Variants in PTPRD observed in about 807,000 individuals in gnomAD.
PTPRD encodes the protein protein tyrosine phosphatase receptor type D.
Under a neutral mutation model 214.5 loss-of-function variants are expected in PTPRD, and 34 were observed. That is an observed-to-expected ratio of 0.16 (90% CI 0.12 to 0.21). PTPRD has a LOEUF of 0.21. PTPRD is among the 10% of genes least tolerant of loss of function. The pLI, the probability that PTPRD is intolerant of heterozygous loss-of-function variation, is 1.00. For synonymous variants in PTPRD, 1,128 were observed against 845.7 expected (o/e 1.33, Z -5.79); for missense variants, 2,545 against 2,398.7 (o/e 1.06, Z -1.27).
At chr9:8,728,458 A>C (rs1461321977) in intron 12 of PTPRD, among the ~76,000 whole-genome samples, 1 of 152,170 alleles carries the variant, frequency 6.6e-6, no homozygotes, top group African/African-American at 2.4e-5. Flanking sequence ...TCAGTCTCCC[A>C]ATGTGCTGGA....
chr9:9,765,914 A>T (rs1233087231), intron 6 of PTPRD, among the ~76,000 whole-genome samples: 3 of 152,078 alleles, frequency 2.0e-5, no homozygotes, highest in Admixed American at 1.3e-4. Flanking sequence ...CGCCCGCCTC[A>T]GCCTCCCAAA....
At chr9:9,775,804 A>C (rs185843549) in intron 5 of PTPRD, among the ~76,000 whole-genome samples, 3 of 152,056 alleles carry the variant, frequency 2.0e-5, no homozygotes, top group Non-Finnish European at 1.5e-5. Context: ...AACAAACAAA[A>C]AAATAGCCGG....
chr9:10,249,485 T>C (rs1175603615), intron 3 of PTPRD, among the ~76,000 whole-genome samples: 1 of 152,120 alleles, frequency 6.6e-6, no homozygotes, highest in Admixed American at 6.6e-5. Flanking sequence ...TTTGATACCA[T>C]TAGGCAAAAG....
intron 8 of PTPRD, among the ~76,000 whole-genome samples, chr9:9,526,623 A>G (rs554793067): frequency 6.6e-6 from 1 of 152,298 alleles, no homozygotes; most frequent in Non-Finnish European, 1.5e-5. Flanking sequence ...CATAACTTTA[A>G]TGCCACATTA....
At chr9:9,937,925 T>C (rs2090140499) in intron 5 of PTPRD, among the ~76,000 whole-genome samples, 1 of 152,196 alleles carries the variant, frequency 6.6e-6, no homozygotes, top group African/African-American at 2.4e-5. Flanking sequence ...GCTATGGATT[T>C]CTGAAGGTAC....
At chr9:10,417,740 T>C (rs945401149) in intron 2 of PTPRD, among the ~76,000 whole-genome samples, 7 of 151,784 alleles carry the variant, frequency 4.6e-5, no homozygotes, top group Non-Finnish European at 8.8e-5. Context: ...CCCATGAGAA[T>C]ACATGAGAAA....
chr9:9,522,342 A>C (rs936282670), intron 8 of PTPRD, among the ~76,000 whole-genome samples: 1 of 152,126 alleles, frequency 6.6e-6, no homozygotes. Flanking sequence ...TAGTAGATGG[A>C]AGGGCACATA....
At chr9:10,030,842 G>A (rs760948870) in intron 4 of PTPRD, among the ~76,000 whole-genome samples, 1 of 152,146 alleles carries the variant, frequency 6.6e-6, no homozygotes, top group Non-Finnish European at 1.5e-5. Context: ...TCTATGGTTT[G>A]TCATTTTATT....
In PTPRD at chr9:8,485,953, G is replaced by A. The variant is rs763256154; in HGVS notation, c.2864C>T (p.Thr955Ile). ...GATGTTGATATCCCTATAAAGAAGG[G>A]TATACTTGGTGATAATGCCATTTCT... ...AERNGIITKY[T>I]LLYRDINIPL... The change falls in exon 28 of 46, where the codon ACC (threonine) becomes ATC (isoleucine). Residue 955 changes from threonine to isoleucine, a missense_variant. Transcript: ENST00000381196. 7.4e-6 allele frequency: 12 copies of A among 1,614,064 alleles called. No individual in the cohort carries two copies. The highest frequency in any genetic ancestry group is 1.0e-5 in the Non-Finnish European group (12 of 1,180,034).
At chr9:9,132,895 G>A (rs1592153043) in intron 10 of PTPRD, among the ~76,000 whole-genome samples, 2 of 152,296 alleles carry the variant, frequency 1.3e-5, no homozygotes, top group East Asian at 1.9e-4. Context: ...AGAATGTGTT[G>A]ATGCTGAGAA....
At chr9:10,363,991 G>GTTTTTTTTTTTTTTTTTTTTTTTTTTTT (rs71270610) in intron 2 of PTPRD, among the ~76,000 whole-genome samples, 1 of 35,130 alleles carries the variant, frequency 2.8e-5, no homozygotes, top group African/African-American at 1.2e-4. Context: ...ACATTTTCGG[G>GTTTTTTTTTTTTTTTTTTTTTTTTTTTT]TTTTTTTTTT....
intron 27 of PTPRD, among the ~76,000 whole-genome samples, chr9:8,490,264 C>T (rs2097123924): frequency 6.6e-6 from 1 of 152,170 alleles, no homozygotes; most frequent in South Asian, 2.1e-4. Context: ...AAACTCTTCT[C>T]CCTTTTACAT....
At chr9:10,031,981 T>G (rs887128065) in intron 4 of PTPRD, among the ~76,000 whole-genome samples, 58 of 152,146 alleles carry the variant, frequency 3.8e-4, no homozygotes, top group African/African-American at 1.4e-3. Context: ...TATTAAAGAT[T>G]TAATGTAGGC....
intron 4 of PTPRD, among the ~76,000 whole-genome samples, chr9:9,983,015 A>C (rs918560149): frequency 6.6e-6 from 1 of 151,858 alleles, no homozygotes; most frequent in Admixed American, 6.6e-5. Flanking sequence ...TCTATATTTT[A>C]ATAGATTCCC....
At chr9:10,130,900 T>A (rs970791579) in intron 3 of PTPRD, among the ~76,000 whole-genome samples, 1 of 152,096 alleles carries the variant, frequency 6.6e-6, no homozygotes, top group Non-Finnish European at 1.5e-5. Context: ...CAAAGAAATG[T>A]GCAAAGTAGT....
At chr9:10,569,304 T>A (rs1003154706) in intron 2 of PTPRD, among the ~76,000 whole-genome samples, 3 of 152,136 alleles carry the variant, frequency 2.0e-5, no homozygotes, top group Admixed American at 6.6e-5. Context: ...AAGACTTTAC[T>A]CTTATCTCCA....
At chr9:10,406,080 T>C (rs56841508) in intron 2 of PTPRD, among the ~76,000 whole-genome samples, 2,406 of 151,440 alleles carry the variant, frequency 0.016, 53 homozygotes, top group African/African-American at 0.055. Flanking sequence ...TTCTAATGTA[T>C]ATTAATTAGA....
intron 44 of PTPRD, among the ~76,000 whole-genome samples, chr9:8,331,142 T>G (rs982409396): frequency 2.0e-5 from 3 of 152,164 alleles, no homozygotes; most frequent in African/African-American, 7.2e-5. Flanking sequence ...GGTACCATAC[T>G]AAGCACTTAT....
chr9:9,485,914 A>T (rs2095609603), intron 8 of PTPRD, among the ~76,000 whole-genome samples: 1 of 152,026 alleles, frequency 6.6e-6, no homozygotes, highest in Non-Finnish European at 1.5e-5. Context: ...GCACTTTGGG[A>T]GGCCAAGGCA....
Sources: gnomAD v4.1 joint callset for allele counts (sites outside exome capture counted in the v4.1 genomes callset) on GRCh38, gnomAD v4.1.1 for gene constraint, MANE v1.5 for transcripts, NCBI Gene and HGNC (gene_info 2026-07-23, HGNC 2026-07-21) for gene names.